KCTD8: variants seen among roughly 807,000 people sequenced by gnomAD.
The protein encoded by KCTD8 is BTB/POZ domain-containing protein KCTD8.
KCTD8 carries 27 observed loss-of-function variants against 31.5 expected under a neutral mutation model. The observed-to-expected ratio is 0.86, with a 90% CI of 0.63 to 1.18. The LOEUF (loss-of-function observed/expected upper bound fraction) is 1.18, where lower values mean the gene tolerates loss of function less well. Among genes scored for constraint, KCTD8 ranks in the 50% most tolerant of loss-of-function variants. The probability of loss-of-function intolerance (pLI) is 0.00; values close to 1 mark genes in which losing one functional copy is unlikely to be tolerated. For synonymous variants in KCTD8, 290 were observed against 280.0 expected (o/e 1.04, Z -0.36); for missense variants, 658 against 647.7 (o/e 1.02, Z -0.17).
At chr4:44,194,659 C>T (rs549892774) in intron 1 of KCTD8, among the ~76,000 whole-genome samples, 24 of 152,076 alleles carry the variant, frequency 1.6e-4, no homozygotes, top group Non-Finnish European at 2.2e-4. Context: ...TGAAAGTAAT[C>T]GGGGTGCCTA....
intron 1 of KCTD8, among the ~76,000 whole-genome samples, chr4:44,426,042 C>T (rs1454517203): frequency 1.3e-5 from 2 of 150,132 alleles, no homozygotes; most frequent in Non-Finnish European, 3.0e-5. Flanking sequence ...GTCTAGAAAC[C>T]AAGTAAAAGA....
chr4:44,391,802 A>C (rs1365706726), intron 1 of KCTD8, among the ~76,000 whole-genome samples: 1 of 151,962 alleles, frequency 6.6e-6, no homozygotes, highest in East Asian at 1.9e-4. Flanking sequence ...ATTCAGATTA[A>C]TACCAATGTC....
intron 1 of KCTD8, among the ~76,000 whole-genome samples, chr4:44,304,058 T>C (rs1403883292): frequency 1.3e-5 from 2 of 152,152 alleles, no homozygotes; most frequent in Non-Finnish European, 2.9e-5. Context: ...ATCCAGACTC[T>C]AACATCACCT....
chr4:44,259,479 G>A (rs1716100167), intron 1 of KCTD8, among the ~76,000 whole-genome samples: 2 of 151,836 alleles, frequency 1.3e-5, no homozygotes, highest in African/African-American at 4.8e-5. Context: ...GAAAAAAATA[G>A]TAAGATCCAT....
At chr4:44,209,355 C>G (rs1714411165) in intron 1 of KCTD8, among the ~76,000 whole-genome samples, 3 of 152,102 alleles carry the variant, frequency 2.0e-5, no homozygotes, top group African/African-American at 2.4e-5. Flanking sequence ...TTTTATTTCA[C>G]CCTATTGAAC....
At chr4:44,271,914 T>G (rs971648397) in intron 1 of KCTD8, among the ~76,000 whole-genome samples, 2 of 151,996 alleles carry the variant, frequency 1.3e-5, no homozygotes, top group Non-Finnish European at 2.9e-5. Context: ...TATATTTCTG[T>G]GTGTGTGTCT....
At chr4:44,442,031 A>C (rs1721821870) in intron 1 of KCTD8, among the ~76,000 whole-genome samples, 1 of 152,208 alleles carries the variant, frequency 6.6e-6, no homozygotes, top group Admixed American at 6.5e-5. Context: ...AACCAAAAAA[A>C]GATAGCATAT....
At chr4:44,416,247 C>T (rs1428988877) in intron 1 of KCTD8, among the ~76,000 whole-genome samples, 1 of 152,218 alleles carries the variant, frequency 6.6e-6, no homozygotes, top group African/African-American at 2.4e-5. Context: ...AATGCCTGTA[C>T]TACCACTGGA....
At chr4:44,238,794 G>C (rs1278179723) in intron 1 of KCTD8, among the ~76,000 whole-genome samples, 1 of 151,666 alleles carries the variant, frequency 6.6e-6, no homozygotes, top group Admixed American at 6.6e-5. Flanking sequence ...CTTTACTAAG[G>C]GATTTCTTTA....
chr4:44,319,321 T>G (rs1422802176), intron 1 of KCTD8, among the ~76,000 whole-genome samples: 1 of 151,970 alleles, frequency 6.6e-6, no homozygotes, highest in Non-Finnish European at 1.5e-5. Context: ...ATAGTTGGAG[T>G]TTCGCCCAGC....
At chr4:44,239,214 G>A (rs1715379222) in intron 1 of KCTD8, among the ~76,000 whole-genome samples, 1 of 152,144 alleles carries the variant, frequency 6.6e-6, no homozygotes, top group African/African-American at 2.4e-5. Context: ...TCCTGATGCT[G>A]TAAAATTTCA....
At chr4:44,178,338 G>T (rs1713278287) in intron 1 of KCTD8, among the ~76,000 whole-genome samples, 1 of 152,166 alleles carries the variant, frequency 6.6e-6, no homozygotes, top group South Asian at 2.1e-4. Flanking sequence ...GTGAAGGGCT[G>T]GTATGTATGT....
intron 1 of KCTD8, among the ~76,000 whole-genome samples, chr4:44,351,942 A>G (rs1719209125): frequency 6.6e-6 from 1 of 152,106 alleles, no homozygotes; most frequent in Admixed American, 6.6e-5. Context: ...AAAGAATAAA[A>G]CATAAAATAA....
At chr4:44,399,258 G>A (rs1005984990) in intron 1 of KCTD8, among the ~76,000 whole-genome samples, 1 of 152,162 alleles carries the variant, frequency 6.6e-6, no homozygotes, top group African/African-American at 2.4e-5. Context: ...ACGTCTGACT[G>A]TGGGGGAGTG....
intron 1 of KCTD8, among the ~76,000 whole-genome samples, chr4:44,390,246 T>A (rs1720333145): frequency 6.6e-6 from 1 of 152,054 alleles, no homozygotes; most frequent in African/African-American, 2.4e-5. Flanking sequence ...CGATGTTATC[T>A]TCTAGAACTT....
At chr4:44,292,051 C>T (rs1717296453) in intron 1 of KCTD8, among the ~76,000 whole-genome samples, 1 of 151,360 alleles carries the variant, frequency 6.6e-6, no homozygotes, top group Non-Finnish European at 1.5e-5. Context: ...GTTATTCATC[C>T]ACTGCGGAAA....
At chr4:44,177,162 C>T (rs1419932909) in intron 1 of KCTD8, among the ~76,000 whole-genome samples, 1 of 152,180 alleles carries the variant, frequency 6.6e-6, no homozygotes, top group African/African-American at 2.4e-5. Flanking sequence ...GATCCATTCT[C>T]TATTCTCCTC....
chr4:44,296,917 C>T (rs1421098072), intron 1 of KCTD8, among the ~76,000 whole-genome samples: 1 of 151,938 alleles, frequency 6.6e-6, no homozygotes, highest in Non-Finnish European at 1.5e-5. Context: ...TGAAACACTC[C>T]ATTAGATAAT....
chr4:44,438,693 T>C (rs1721742228), intron 1 of KCTD8, among the ~76,000 whole-genome samples: 1 of 152,198 alleles, frequency 6.6e-6, no homozygotes, highest in Non-Finnish European at 1.5e-5. Flanking sequence ...GGGCAGCTTT[T>C]AGATAGGAGT....
Sources: gnomAD v4.1 joint callset for allele counts (sites outside exome capture counted in the v4.1 genomes callset) on GRCh38, gnomAD v4.1.1 for gene constraint, MANE v1.5 for transcripts, NCBI Gene and HGNC (gene_info 2026-07-23, HGNC 2026-07-21) for gene names.